APOO: variants seen among roughly 807,000 people sequenced by gnomAD.
APOO encodes MICOS complex subunit MIC26.
Under a neutral mutation model 23.1 loss-of-function variants are expected in APOO, and 11 were observed. The ratio of observed to expected loss-of-function variants is 0.48; its 90% confidence interval spans 0.30 to 0.79. The LOEUF (loss-of-function observed/expected upper bound fraction) is 0.79. APOO is among the 30% of genes least tolerant of loss of function. The probability of loss-of-function intolerance (pLI) is 0.07; values close to 1 mark genes in which losing one functional copy is unlikely to be tolerated. For synonymous variants in APOO, 59 were observed against 54.8 expected, an observed-to-expected ratio of 1.08 and a Z score of -0.34; for missense variants, 160 against 142.7, an observed-to-expected ratio of 1.12 and a Z score of -0.62.
chrX:23,837,880 G>A (rs1022547069), intron 8 of APOO, among the ~76,000 whole-genome samples: 20 of 105,367 alleles, frequency 1.9e-4, no homozygotes, highest in Non-Finnish European at 3.5e-4. Context: ...GGCTGTTCTC[G>A]AACTGCCAGA....
At chrX:23,836,376 G>A (rs1348468919) in intron 8 of APOO, among the ~76,000 whole-genome samples, 1 of 110,825 alleles carries the variant, frequency 9.0e-6, no homozygotes, top group African/African-American at 3.3e-5. Context: ...GTGCAGTGGC[G>A]TGATCTCGGC....
chrX:23,882,491 C>A (rs1173279890), intron 1 of APOO, among the ~76,000 whole-genome samples: 1 of 111,613 alleles, frequency 9.0e-6, no homozygotes, highest in Non-Finnish European at 1.9e-5. Flanking sequence ...CATCCATTTC[C>A]TTTTGTCTCA....
intron 7 of APOO, among the ~76,000 whole-genome samples, chrX:23,852,538 C>G (rs1031718728): frequency 2.8e-5 from 3 of 108,939 alleles, no homozygotes. Context: ...CGCTTGAACC[C>G]GGGAGGCGGA....
At chrX:23,904,151 T>C (rs1927250711) in intron 1 of APOO, among the ~76,000 whole-genome samples, 1 of 111,690 alleles carries the variant, frequency 9.0e-6, no homozygotes, top group Admixed American at 9.6e-5. Flanking sequence ...TCATGGACAT[T>C]GTTGGTTGCA....
intron 1 of APOO, among the ~76,000 whole-genome samples, chrX:23,886,388 T>C (rs1448446568): frequency 8.9e-6 from 1 of 111,756 alleles, no homozygotes; most frequent in Non-Finnish European, 1.9e-5. Flanking sequence ...GATTGGGGTA[T>C]GGGTTATTCA....
intron 4 of APOO, 78 bp from the exon 5 acceptor site, chrX:23,868,766 AATATG>A: frequency 1.4e-6 from 1 of 739,174 alleles, no homozygotes; most frequent in Non-Finnish European, 2.0e-6. Context: ...TACAGTATAT[AATATG>A]TATATATAGT....
At chrX:23,888,590 C>T (rs111679888) in intron 1 of APOO, among the ~76,000 whole-genome samples, 33 of 110,981 alleles carry the variant, frequency 3.0e-4, no homozygotes, top group African/African-American at 9.8e-4. Context: ...CAGTGGCTCA[C>T]GCCTATAATC....
At chrX:23,868,778 T>C (rs1435602959) in intron 4 of APOO, 90 bp from the exon 5 acceptor site, 1 of 599,083 alleles carries the variant, frequency 1.7e-6, no homozygotes. Flanking sequence ...TATGTATATA[T>C]AGTATCAAGT....
chrX:23,902,846 C>G (rs1434067790), intron 1 of APOO, among the ~76,000 whole-genome samples: 1 of 111,202 alleles, frequency 9.0e-6, no homozygotes, highest in Non-Finnish European at 1.9e-5. Flanking sequence ...AAACCCCGAT[C>G]AATCCTACCG....
intron 7 of APOO, among the ~76,000 whole-genome samples, chrX:23,841,318 C>G (rs1236373068): frequency 1.8e-5 from 2 of 109,373 alleles, no homozygotes; most frequent in East Asian, 2.9e-4. Context: ...GTTTTATACC[C>G]GTTGTCCCAA....
At chrX:23,875,711 C>T (rs902483129) in intron 3 of APOO, among the ~76,000 whole-genome samples, 1 of 109,954 alleles carries the variant, frequency 9.1e-6, no homozygotes, top group Non-Finnish European at 1.9e-5. Context: ...TGAGCTACTG[C>T]GCCCGGCCTG....
chrX:23,900,845 A>G (rs1312556537), intron 1 of APOO, among the ~76,000 whole-genome samples: 1 of 111,385 alleles, frequency 9.0e-6, no homozygotes, highest in African/African-American at 3.3e-5. Flanking sequence ...GAAACAACCA[A>G]TTGATTCTGC....
chrX:23,861,535 G>A (rs1925029840), intron 5 of APOO, among the ~76,000 whole-genome samples: 1 of 102,368 alleles, frequency 9.8e-6, no homozygotes, highest in African/African-American at 3.6e-5. Flanking sequence ...CTAACACATT[G>A]GGTGATAAAG....
intron 5 of APOO, among the ~76,000 whole-genome samples, chrX:23,862,873 G>A (rs1229361924): frequency 4.0e-4 from 24 of 60,358 alleles, no homozygotes; most frequent in Admixed American, 2.6e-3. Context: ...AGGGAGGGAT[G>A]CAGGGGATGG....
intron 3 of APOO, among the ~76,000 whole-genome samples, chrX:23,876,286 A>T (rs970528316): frequency 1.8e-5 from 2 of 108,741 alleles, no homozygotes; most frequent in African/African-American, 6.7e-5. Context: ...AAATAAAAAT[A>T]AAAATAAAAA....
rs192053826 is a variant in APOO at position 23,872,576 on chromosome X, T to A, written c.292+1827A>T. Among the ~76,000 whole-genome samples the A allele has an allele frequency of 9.1e-3, 959 of 105,472 alleles. 13 individuals carry two copies. The highest frequency in any genetic ancestry group is 0.031 in the African/African-American group (900 of 28,884). The allele number at this position is 105,472 out of a possible 115,157, so 91.6% of individuals were successfully genotyped here. On this transcript the variant is annotated intron_variant, in intron 4 of 8. Transcript: ENST00000379226. The stretch of plus-strand genomic sequence containing the variant: ...TTTGTGGGTACATAGTAGGTGTATA[T>A]ATTTACGGGGTAAATGAGGTATTTT...
intron 1 of APOO, among the ~76,000 whole-genome samples, chrX:23,896,163 G>C (rs1926895099): frequency 9.1e-6 from 1 of 110,113 alleles, no homozygotes; most frequent in African/African-American, 3.3e-5. Flanking sequence ...AGCTACTCAG[G>C]AGGCTGAGGC....
intron 1 of APOO, among the ~76,000 whole-genome samples, chrX:23,886,611 A>C (rs1926376507): frequency 9.0e-6 from 1 of 111,431 alleles, no homozygotes. Context: ...CCATGGGAGG[A>C]GCCTTGGTAA....
intron 1 of APOO, 38 bp downstream of exon 1, chrX:23,907,656 G>A (rs1927429441): frequency 1.7e-6 from 2 of 1,149,393 alleles, no homozygotes; most frequent in South Asian, 2.0e-5. Context: ...CGGCCGGGAG[G>A]GGGCGGTGAC....
Sources: gnomAD v4.1 joint callset for allele counts (sites outside exome capture counted in the v4.1 genomes callset) on GRCh38, gnomAD v4.1.1 for gene constraint, MANE v1.5 for transcripts, NCBI Gene and HGNC (gene_info 2026-07-23, HGNC 2026-07-21) for gene names.